AJM1: variants seen among roughly 807,000 people sequenced by gnomAD.
The protein encoded by AJM1 is uncharacterized protein C9orf172.
A neutral mutation model predicts 43.0 loss-of-function variants in AJM1; 22 were observed. The observed-to-expected ratio is 0.51, with a 90% CI of 0.37 to 0.73. AJM1 has a LOEUF of 0.73. AJM1 is among the 30% of genes least tolerant of loss of function. The pLI is 0.00. For missense variants in AJM1, 1,305 were observed against 1,343.3 expected (o/e 0.97, Z 0.45); for synonymous variants, 719 against 638.3 (o/e 1.13, Z -1.91).
chr9:136,845,099 G>C lies in AJM1; in HGVS notation c.685G>C (p.Gly229Arg), dbSNP rs1433493517. Residue 229 changes from glycine (G) to arginine (R), a missense_variant, in exon 3 of 3, where the codon GGG becomes CGG. By Grantham distance (125) the Gly-to-Arg change is moderately radical (BLOSUM62 -2). Around this residue, in one of 6 missense-constraint regions of AJM1, gnomAD observed 653 missense variants for 549.1 expected, o/e 1.19. Transcript: ENST00000436881. ...GCAGTTCCACGGCCTCACGGTGCCC[G>C]GGCCCCGCCACATGGCGCTGTCGCG... ...APQFHGLTVP[G>R]PRHMALSRTP... The C allele has an allele frequency of 7.1e-7, 1 of 1,403,278 alleles. No homozygotes were observed. Among genetic ancestry groups the C allele is most frequent in the Non-Finnish European group, 9.9e-7 (1 of 1,011,964 alleles). The allele number at this position is 1,403,278 out of a possible 1,614,324, so 86.9% of individuals were successfully genotyped here. A position where few individuals can be genotyped will look rare whatever the true frequency, so the allele number is the denominator to read the frequency against.
rs1848767970 is a variant in AJM1 at position 136,845,922 on chromosome 9, A to G, written c.1508A>G (p.Tyr503Cys). 2.6e-6 allele frequency: 4 copies of G among 1,555,936 alleles called. No homozygotes were observed. Among genetic ancestry groups the G allele is most frequent in the Non-Finnish European group, 2.6e-6 (3 of 1,151,224 alleles). Residue 503 changes from tyrosine (Y) to cysteine (C), a missense_variant, in exon 3 of 3, where the codon TAC becomes TGC. Around this residue, in one of 6 missense-constraint regions of AJM1, gnomAD observed 653 missense variants for 549.1 expected, o/e 1.19. Transcript: ENST00000436881. ...VVNLSTSPRR[Y>C]AALSLSETSL... is the part of the protein sequence containing the mutation. The stretch of plus-strand genomic sequence containing the variant: ...AACCTGTCCACCTCTCCCAGACGCT[A>G]CGCCGCACTGTCCCTGTCCGAGACG...
chr9:136,845,886 C>T lies in AJM1; in HGVS notation c.1472C>T (p.Pro491Leu), dbSNP rs756007351. 41 of 1,558,262 alleles carry T rather than the reference C, an allele frequency of 2.6e-5. 1 individual carries two copies. In the Middle Eastern group the frequency reaches 1.6e-3, roughly 61 times the overall value. ...GTGTCCCCCGAAGGCCGGCGCCCGC[C>T]CGTCGTCGTGAACCTGTCCACCTCT... Reference protein sequence around the residue: ...RGVSPEGRRPPVVVNLSTSPR... With the variant: ...RGVSPEGRRPLVVVNLSTSPR... The change falls in exon 3 of 3, where the codon CCC (proline) becomes CTC (leucine). Residue 491 changes from proline to leucine, a missense_variant. Coordinates refer to ENST00000436881, the MANE Select transcript of AJM1 (RefSeq NM_001080482.5).
chr9:136,843,009 G>A (rs1848724299), intron 1 of AJM1, among the ~76,000 whole-genome samples: 2 of 146,854 alleles, frequency 1.4e-5, no homozygotes, highest in South Asian at 2.2e-4. Context: ...GGGGGAGATG[G>A]GGGGGTGGGC....
rs753076786 is a variant in AJM1, at chr9:136,846,534, A to G, written c.2120A>G (p.Lys707Arg). Residue 707 changes from lysine (K) to arginine (R), a missense_variant, in exon 3 of 3, where the codon AAG becomes AGG. Lys to Arg is a conservative substitution (Grantham distance 26, BLOSUM62 2). Transcript: ENST00000436881. The part of the protein sequence containing the change: ...LCRREDWDAH[K>R]ARCVYGRVGS... The stretch of plus-strand genomic sequence containing the variant: ...CGCCGCGAGGACTGGGACGCCCACA[A>G]GGCGCGCTGCGTGTACGGCCGCGTG... 4 of 1,595,286 alleles carry G rather than the reference A, an allele frequency of 2.5e-6. No individual in the cohort carries two copies. The highest frequency in any genetic ancestry group is 1.7e-5 in the Admixed American group (1 of 59,930).
chr9:136,845,927 G>T lies in AJM1; in HGVS notation c.1513G>T (p.Ala505Ser), dbSNP rs1187373666. 6.4e-7 allele frequency: 1 copy of T among 1,555,532 alleles called. No homozygotes were observed. The highest frequency in any genetic ancestry group is 8.7e-7 in the Non-Finnish European group (1 of 1,150,934). Residue 505 changes from alanine to serine, a missense_variant, in exon 3 of 3, where the codon GCA becomes TCA. Coordinates refer to ENST00000436881, the MANE Select transcript of AJM1 (RefSeq NM_001080482.5). ...NLSTSPRRYA[A>S]LSLSETSLTE... ...GTCCACCTCTCCCAGACGCTACGCC[G>T]CACTGTCCCTGTCCGAGACGTCGCT...
Position 136,846,343 on chromosome 9 carries a change from G to C in AJM1, c.1929G>C (p.Ala643=). ...PASAGSAEEP[A]APGEAADASP... ...CGGCCGGCAGCGCCGAGGAGCCCGC[G>C]GCCCCGGGAGAGGCGGCCGACGCGT... Residue 643 remains alanine (A), a synonymous_variant, in exon 3 of 3, where the codon GCG becomes GCC. Coordinates refer to ENST00000436881, the MANE Select transcript of AJM1 (RefSeq NM_001080482.5). 7.5e-7 allele frequency: 1 copy of C among 1,326,006 alleles called. No individual in the cohort carries two copies. Among genetic ancestry groups the C allele is most frequent in the Non-Finnish European group, 9.7e-7 (1 of 1,034,720 alleles). 82.1% of individuals were successfully genotyped at this position (1,326,006 alleles called of 1,614,324 possible). A position where few individuals can be genotyped will look rare whatever the true frequency, so the allele number is the denominator to read the frequency against.
Position 136,846,768 on chromosome 9 carries a change from T to A in AJM1, c.2354T>A (p.Leu785Gln). 6.3e-7 allele frequency: 1 copy of A among 1,597,032 alleles called. No individual in the cohort carries two copies. The highest frequency in any genetic ancestry group is 1.7e-5 in the Admixed American group (1 of 59,246). ...CCCACCTACCTATCGCTGCGTGAGC[T>A]GGCCACACACGCGGCGCCCCTGGGC... is the stretch of plus-strand genomic sequence containing the variant. ...LSPTYLSLRELATHAAPLGSY... is the reference protein window; with the variant it reads ...LSPTYLSLREQATHAAPLGSY... The change falls in exon 3 of 3, where the codon CTG (leucine) becomes CAG (glutamine). Residue 785 changes from leucine (L) to glutamine (Q), a missense_variant. Around this residue, in one of 6 missense-constraint regions of AJM1, gnomAD observed 391 missense variants for 507.5 expected, o/e 0.77. Coordinates refer to ENST00000436881, the MANE Select transcript of AJM1 (RefSeq NM_001080482.5).
Position 136,844,507 on chromosome 9 carries a change from A to C in AJM1, c.93A>C (p.Pro31=). ...ATPGPASKCS[P]CERSVARPAE... ...CGGGACCCGCGTCCAAGTGCTCGCC[A>C]TGTGAGCGATCCGTGGCCCGGCCTG... The change falls in exon 3 of 3, where the codon CCA becomes CCC. Residue 31 remains proline, a synonymous_variant. Coordinates refer to ENST00000436881, the MANE Select transcript of AJM1 (RefSeq NM_001080482.5). 6.2e-7 allele frequency: 1 copy of C among 1,609,558 alleles called. No individual in the cohort carries two copies. Among genetic ancestry groups the C allele is most frequent in the Non-Finnish European group, 8.5e-7 (1 of 1,178,830 alleles).
Position 136,845,855 on chromosome 9 carries a change from C to G in AJM1, c.1441C>G (p.Arg481Gly), listed in dbSNP as rs949181550. ...NLLGREVREP[R>G]GVSPEGRRPP... ...GCTGGGGCGCGAGGTGCGGGAGCCGCGAGGCGTGTCCCCCGAAGGCCGGCG... is the reference window on the plus strand; with the variant it reads ...GCTGGGGCGCGAGGTGCGGGAGCCGGGAGGCGTGTCCCCCGAAGGCCGGCG... The change falls in exon 3 of 3, where the codon CGA becomes GGA. Residue 481 changes from arginine (R) to glycine (G), a missense_variant. Physicochemically the swap from Arg to Gly is moderately radical, Grantham distance 125. Around this residue, in one of 6 missense-constraint regions of AJM1, gnomAD observed 653 missense variants for 549.1 expected, o/e 1.19. Coordinates refer to ENST00000436881, the MANE Select transcript of AJM1 (RefSeq NM_001080482.5). The G allele has an allele frequency of 1.0e-5, 16 of 1,559,032 alleles. No individual in the cohort carries two copies. In the African/African-American group the frequency reaches 1.2e-4, roughly 12 times the overall value.
chr9:136,843,618 G>A (rs1350230193), intron 1 of AJM1, among the ~76,000 whole-genome samples: 1 of 152,254 alleles, frequency 6.6e-6, no homozygotes, highest in Non-Finnish European at 1.5e-5. Flanking sequence ...GTCAGAAAAG[G>A]TGTCGGCAGA....
rs1276484322 is a variant in AJM1 at position 136,846,914 on chromosome 9, G to C, written c.2500G>C (p.Ala834Pro). 6.9e-7 allele frequency: 1 copy of C among 1,457,398 alleles called. No homozygotes were observed. The highest frequency in any genetic ancestry group is 9.0e-7 in the Non-Finnish European group (1 of 1,108,328). 90.3% of individuals were successfully genotyped at this position (1,457,398 alleles called of 1,614,324 possible). ...GCCACCGGGGACACCGGCCCTGCCC[G>C]CGCCCGCGCCACGCAGCCACGGGCC... Reference protein sequence around the residue: ...TAPPGTPALPAPAPRSHGPTV... With the variant: ...TAPPGTPALPPPAPRSHGPTV... Residue 834 changes from alanine to proline, a missense_variant, in exon 3 of 3, where the codon GCG becomes CCG. Physicochemically the swap from Ala to Pro is conservative, Grantham distance 27. Around this residue, in one of 6 missense-constraint regions of AJM1, gnomAD observed 391 missense variants for 507.5 expected, o/e 0.77. Transcript: ENST00000436881.
In AJM1 at chr9:136,846,557, G is replaced by A. The variant is rs1848777951; in HGVS notation, c.2143G>A (p.Val715Met). ...CAAGGCGCGCTGCGTGTACGGCCGC[G>A]TGGGCAGCGTGTGCCGCCACGTACT... ...AHKARCVYGR[V>M]GSVCRHVLQF... Residue 715 changes from valine (V) to methionine (M), a missense_variant, in exon 3 of 3, where the codon GTG becomes ATG. Physicochemically the swap from Val to Met is conservative, Grantham distance 21. Transcript: ENST00000436881. The A allele has an allele frequency of 1.3e-6, 2 of 1,593,406 alleles. No individual in the cohort carries two copies. The highest frequency in any genetic ancestry group is 1.7e-6 in the Non-Finnish European group (2 of 1,177,266).
intron 1 of AJM1, among the ~76,000 whole-genome samples, chr9:136,843,189 C>T (rs1037835489): frequency 6.6e-6 from 1 of 152,222 alleles, no homozygotes; most frequent in Non-Finnish European, 1.5e-5. Context: ...GGCCAGGTAC[C>T]CGCTTTCCCC....
rs762150437 is a variant in AJM1 at position 136,846,838 on chromosome 9, G to A, written c.2424G>A (p.Pro808=). The change falls in exon 3 of 3, where the codon CCG becomes CCA. Residue 808 remains proline, a synonymous_variant. Transcript: ENST00000436881. The part of the protein sequence containing the change: ...ELAAAGRLYE[P]AECFLLSVSV... ...CGGCCGCTGGGCGCCTCTACGAACC[G>A]GCAGAGTGCTTCCTGCTCAGCGTGT... 1.9e-6 allele frequency: 3 copies of A among 1,587,286 alleles called. No homozygotes were observed. The highest frequency in any genetic ancestry group is 1.7e-5 in the Admixed American group (1 of 58,752).
rs1452616379 is a variant in AJM1 at position 136,848,405 on chromosome 9, C to T, written c.*1060C>T. The T allele has an allele frequency of 6.6e-6, 1 of 152,436 alleles. No homozygotes were observed. The highest frequency in any genetic ancestry group is 2.4e-5 in the African/African-American group (1 of 41,474). The allele number at this position is 152,436 out of a possible 1,614,324, so 9.4% of individuals were successfully genotyped here. On this transcript the variant is annotated 3_prime_UTR_variant, in exon 3 of 3. Coordinates refer to ENST00000436881, the MANE Select transcript of AJM1 (RefSeq NM_001080482.5). ...TACTGCGGGCGTGGAGGCGCAAGCC[C>T]GGCGGCCCGGCCTCCACCTGTCCCC... is the stretch of plus-strand genomic sequence containing the variant.
Position 136,846,658 on chromosome 9 carries a change from C to T in AJM1, c.2244C>T (p.Gly748=). 2 of 1,599,884 alleles carry T rather than the reference C, an allele frequency of 1.3e-6. No individual in the cohort carries two copies. The highest frequency in any genetic ancestry group is 1.7e-6 in the Non-Finnish European group (2 of 1,177,706). ...CGCGTGTCGGCTTCCTGTCGCGCGG[C>T]CGCGGCGTGCTCTTCCTGGGCTTCC... ...RIARVGFLSR[G]RGVLFLGFPS... is the part of the protein sequence containing the mutation. Residue 748 remains glycine (G), a synonymous_variant, in exon 3 of 3, where the codon GGC becomes GGT. Transcript: ENST00000436881.
In AJM1 at chr9:136,846,081, G is replaced by A. The variant is rs1448994532; in HGVS notation, c.1667G>A (p.Gly556Asp). 5.2e-6 allele frequency: 8 copies of A among 1,530,974 alleles called. No homozygotes were observed. The highest frequency in any genetic ancestry group is 1.4e-5 in the African/African-American group (1 of 71,806). The allele number at this position is 1,530,974 out of a possible 1,614,324, so 94.8% of individuals were successfully genotyped here. A position where few individuals can be genotyped will look rare whatever the true frequency, so the allele number is the denominator to read the frequency against. The change falls in exon 3 of 3, where the codon GGC (glycine) becomes GAC (aspartate). Residue 556 changes from glycine (G) to aspartate (D), a missense_variant. Coordinates refer to ENST00000436881, the MANE Select transcript of AJM1 (RefSeq NM_001080482.5). Reference protein sequence around the residue: ...PSARAWELPGGRTRPPPHAAP... With the variant: ...PSARAWELPGDRTRPPPHAAP... ...GCCAGGGCCTGGGAGTTGCCCGGGG[G>A]CCGCACGCGGCCACCTCCCCACGCG...
Position 136,846,809 on chromosome 9 carries a change from C to T in AJM1, c.2395C>T (p.Leu799=), listed in dbSNP as rs532882369. ...AAPLGSYARE[L]AAAGRLYEPA... The stretch of plus-strand genomic sequence containing the variant: ...GCCCCTGGGCAGCTACGCGCGCGAG[C>T]TGGCGGCCGCTGGGCGCCTCTACGA... Residue 799 remains leucine (L), a synonymous_variant, in exon 3 of 3, where the codon CTG becomes TTG. Transcript: ENST00000436881. The T allele has an allele frequency of 7.6e-4, 1,211 of 1,590,702 alleles. 1 individual carries two copies. Among genetic ancestry groups the T allele is most frequent in the Non-Finnish European group, 9.5e-4 (1,113 of 1,175,254 alleles).
In AJM1 at chr9:136,846,087, C is replaced by T; in HGVS notation, c.1673C>T (p.Thr558Met). ...GCCTGGGAGTTGCCCGGGGGCCGCA[C>T]GCGGCCACCTCCCCACGCGGCCCCC... ...ARAWELPGGRTRPPPHAAPDG... is the reference protein window; with the variant it reads ...ARAWELPGGRMRPPPHAAPDG... The change falls in exon 3 of 3, where the codon ACG (threonine) becomes ATG (methionine). Residue 558 changes from threonine to methionine, a missense_variant. Around this residue, in one of 6 missense-constraint regions of AJM1, gnomAD observed 653 missense variants for 549.1 expected, o/e 1.19. Transcript: ENST00000436881. 2.0e-6 allele frequency: 3 copies of T among 1,530,370 alleles called. No homozygotes were observed. The highest frequency in any genetic ancestry group is 1.4e-5 in the African/African-American group (1 of 71,874). The allele number at this position is 1,530,370 out of a possible 1,614,324, so 94.8% of individuals were successfully genotyped here.
Sources: allele counts gnomAD v4.1 joint callset (sites outside exome capture counted in the v4.1 genomes callset), GRCh38; gene constraint gnomAD v4.1.1; regional missense constraint gnomAD v4.1.1; transcripts MANE v1.5; gene names NCBI Gene and HGNC (gene_info 2026-07-23, HGNC 2026-07-21).